DUSP12: variants seen among roughly 807,000 people sequenced by gnomAD.
DUSP12 encodes the protein dual specificity protein phosphatase 12.
Under a neutral mutation model 38.9 loss-of-function variants are expected in DUSP12, and 25 were observed. The observed-to-expected ratio is 0.64, with a 90% CI of 0.47 to 0.90. The LOEUF is 0.90. Among genes scored for constraint, DUSP12 ranks in the 40% least tolerant of loss-of-function variants. The pLI is 0.00. For missense variants in DUSP12, 403 were observed against 427.0 expected (o/e 0.94, Z 0.50); for synonymous variants, 153 against 153.9 (o/e 0.99, Z 0.05).
intron 5 of DUSP12, among the ~76,000 whole-genome samples, chr1:161,755,942 C>G (rs12026369): frequency 0.055 from 8,412 of 152,122 alleles, 413 homozygotes; most frequent in Admixed American, 0.16. Flanking sequence ...CTGCAACCTC[C>G]GCCTTCTGGG....
intron 1 of DUSP12, 114 bp from the exon 2 acceptor site, chr1:161,751,554 A>G: frequency 7.5e-7 from 1 of 1,338,388 alleles, no homozygotes; most frequent in Non-Finnish European, 1.0e-6. Context: ...GGCTTATTTG[A>G]GAAGCAAAAA....
intron 5 of DUSP12, 74 bp downstream of exon 5, chr1:161,753,335 A>T: frequency 8.1e-7 from 1 of 1,237,164 alleles, no homozygotes; most frequent in South Asian, 1.9e-5. Context: ...TTTAAGCTCT[A>T]TTTTAACTAG....
chr1:161,750,024 C>T lies in DUSP12; in HGVS notation c.223C>T (p.Leu75=). 6.2e-7 allele frequency: 1 copy of T among 1,614,036 alleles called. No individual in the cohort carries two copies. The highest frequency in any genetic ancestry group is 8.5e-7 in the Non-Finnish European group (1 of 1,179,988). The change falls in exon 1 of 6, where the codon CTA becomes TTA. Residue 75 remains leucine (L), a synonymous_variant. Coordinates refer to ENST00000367943, the MANE Select transcript of DUSP12 (RefSeq NM_007240.3). ...SFKAGPGVED[L]WRLFVPALDK... is the part of the protein sequence containing the mutation. ...CAAGGCGGGGCCTGGGGTCGAGGAT[C>T]TATGGCGCCTCTTCGTGCCAGCGCT...
At chr1:161,755,800 A>G (rs1329747455) in intron 5 of DUSP12, among the ~76,000 whole-genome samples, 1 of 152,122 alleles carries the variant, frequency 6.6e-6, no homozygotes, top group Non-Finnish European at 1.5e-5. Flanking sequence ...ATGTTTTGTC[A>G]TATTAAAATG....
chr1:161,749,861 A>T lies in DUSP12; in HGVS notation c.60A>T (p.Arg20Ser), dbSNP rs370225521. The T allele has an allele frequency of 2.7e-5, 44 of 1,609,010 alleles. No individual in the cohort carries two copies. Among genetic ancestry groups the T allele is most frequent in the Non-Finnish European group, 3.7e-5 (43 of 1,177,942 alleles). Residue 20 changes from arginine to serine, a missense_variant, in exon 1 of 6, where the codon AGA becomes AGT. Physicochemically the swap from Arg to Ser is moderately radical, Grantham distance 110. Coordinates refer to ENST00000367943, the MANE Select transcript of DUSP12 (RefSeq NM_007240.3). ...AGCTCAGCAACCCCAGCGCCAGCAG[A>T]GTCAGCTGTGCCGGGCAGATGCTGG... Reference protein sequence around the residue: ...GCELSNPSASRVSCAGQMLEV... With the variant: ...GCELSNPSASSVSCAGQMLEV...
chr1:161,751,519 C>T (rs1463834279), intron 1 of DUSP12, 149 bp from the exon 2 acceptor site: 9 of 895,024 alleles, frequency 1.0e-5, no homozygotes, highest in South Asian at 6.6e-5. Flanking sequence ...TTATTTTGTA[C>T]CTTGATAATA....
At position 161,757,047 on chromosome 1, in the gene DUSP12, T is replaced by A; in HGVS notation, c.*100T>A. 2.6e-6 allele frequency: 3 copies of A among 1,164,092 alleles called. No individual in the cohort carries two copies. The highest frequency in any genetic ancestry group is 2.4e-6 in the Non-Finnish European group (2 of 841,038). 72.1% of individuals were successfully genotyped at this position (1,164,092 alleles called of 1,614,324 possible). ...ATTGTTTGTGCTTTCAACATTTCAT[T>A]TGAAATGGGAGAAGATAAAATCACT... On this transcript the variant is annotated 3_prime_UTR_variant, in exon 6 of 6. Transcript: ENST00000367943.
At chr1:161,750,285 C>T (rs866683306) in intron 1 of DUSP12, 140 bp downstream of exon 1, 1 of 914,382 alleles carries the variant, frequency 1.1e-6, no homozygotes, top group South Asian at 1.6e-5. Flanking sequence ...CCGCAGGAGG[C>T]GTGTTTCCAA....
intron 4 of DUSP12, 86 bp from the exon 5 acceptor site, chr1:161,752,989 C>CAA (rs35439833): frequency 0.15 from 162,515 of 1,095,248 alleles, 743 homozygotes; most frequent in Non-Finnish European, 0.16. Context: ...GACTCTGTCT[C>CAA]AAAAAAAAAA....
Position 161,751,960 on chromosome 1 carries a change from CA to C in DUSP12, c.557del (p.Lys186ArgfsTer28). The C allele has an allele frequency of 1.2e-6, 2 of 1,610,000 alleles. No individual in the cohort carries two copies. Among genetic ancestry groups the C allele is most frequent in the East Asian group, 2.2e-5 (1 of 44,844 alleles). ...TGCAATTTATAAGCAATATCGTTTACAAAAGGTTACAGAGAAGTATCCAGGT... is the reference window on the plus strand; with the variant it reads ...TGCAATTTATAAGCAATATCGTTTACAAAGGTTACAGAGAAGTATCCAGGT... ...SSAIYKQYRL[Q>X]KVTEKYPELQ... is the part of the protein sequence containing the mutation. On this transcript the variant is annotated frameshift_variant, in exon 3 of 6. Coordinates refer to ENST00000367943, the MANE Select transcript of DUSP12 (RefSeq NM_007240.3). LOFTEE classifies it high-confidence loss of function.
In DUSP12 at chr1:161,753,248, T is replaced by C. The variant is rs1466113307; in HGVS notation, c.848T>C (p.Val283Ala). ...TGGATGGAATCTGCTTTGTTGGGAG[T>C]GATGGATGGACAGGTGAGAACACAT... ...VQWMESALLGVMDGQLLCPKC... is the reference protein window; with the variant it reads ...VQWMESALLGAMDGQLLCPKC... Residue 283 changes from valine to alanine, a missense_variant, in exon 5 of 6, where the codon GTG becomes GCG. Coordinates refer to ENST00000367943, the MANE Select transcript of DUSP12 (RefSeq NM_007240.3). 1 of 1,600,304 alleles carries C rather than the reference T, an allele frequency of 6.2e-7. No individual in the cohort carries two copies. Among genetic ancestry groups the C allele is most frequent in the Non-Finnish European group, 8.5e-7 (1 of 1,173,068 alleles).
chr1:161,752,482 C>A lies in DUSP12; in HGVS notation c.674+18C>A, dbSNP rs10917852. ...AAGTGCAGGTAAACTATTTTATATC[C>A]TTTGGATATTTTATCTTGTCTCAGT... On this transcript the variant is annotated intron_variant, in intron 4 of 5. Transcript: ENST00000367943. The A allele has an allele frequency of 0.36, 534,186 of 1,493,976 alleles. 102,663 individuals are homozygous for A. The highest frequency in any genetic ancestry group is 0.39 in the Non-Finnish European group (419,786 of 1,081,010). The allele number at this position is 1,493,976 out of a possible 1,614,324, so 92.5% of individuals were successfully genotyped here.
chr1:161,752,261 T>A (rs898211160), intron 3 of DUSP12, 107 bp from the exon 4 acceptor site: 29 of 833,802 alleles, frequency 3.5e-5, no homozygotes, highest in African/African-American at 5.2e-5. Context: ...TTTTTTTTTT[T>A]AATTTTTGAG....
chr1:161,754,876 G>C (rs963829289), intron 5 of DUSP12, among the ~76,000 whole-genome samples: 1 of 152,082 alleles, frequency 6.6e-6, no homozygotes, highest in African/African-American at 2.4e-5. Context: ...TGTTGCCCAG[G>C]CTGGAGTACA....
intron 5 of DUSP12, among the ~76,000 whole-genome samples, chr1:161,754,191 C>G (rs1684073962): frequency 6.6e-6 from 1 of 151,958 alleles, no homozygotes; most frequent in Non-Finnish European, 1.5e-5. Flanking sequence ...TGTATTATAC[C>G]ATTTGAAGAA....
chr1:161,752,279 C>T, intron 3 of DUSP12, 89 bp from the exon 4 acceptor site: 2 of 928,298 alleles, frequency 2.2e-6, no homozygotes, highest in Non-Finnish European at 1.7e-6. Flanking sequence ...GAGGTTAGCA[C>T]TTGTTGCCTC....
At chr1:161,752,852 T>C (rs569922098) in intron 4 of DUSP12, among the ~76,000 whole-genome samples, 55 of 152,118 alleles carry the variant, frequency 3.6e-4, no homozygotes, top group African/African-American at 1.2e-3. Flanking sequence ...TAGTTGGGCA[T>C]GGTGGCTGGT....
chr1:161,756,763 G>A (rs752214432), intron 5 of DUSP12, 23 bp from the exon 6 acceptor site: 1 of 1,609,458 alleles, frequency 6.2e-7, no homozygotes, highest in East Asian at 2.2e-5. Context: ...AATGAATAAA[G>A]TAACACATTT....
At position 161,749,809 on chromosome 1, in the gene DUSP12, A is replaced by G. The variant is rs1683981414; in HGVS notation, c.8A>G (p.Glu3Gly). 6.3e-7 allele frequency: 1 copy of G among 1,574,904 alleles called. No homozygotes were observed. The change falls in exon 1 of 6, where the codon GAG (glutamate) becomes GGG (glycine). Residue 3 changes from glutamate to glycine, a missense_variant. By Grantham distance (98) the Glu-to-Gly change is moderately conservative (BLOSUM62 -2). Transcript: ENST00000367943. The stretch of plus-strand genomic sequence containing the variant: ...TTGTCTCTGGGCGCGGCCATGTTGG[A>G]GGCTCCGGGCCCGAGTGATGGCTGC... ML[E>G]APGPSDGCEL...
Sources: gnomAD v4.1 joint callset for allele counts (sites outside exome capture counted in the v4.1 genomes callset) on GRCh38, gnomAD v4.1.1 for gene constraint, MANE v1.5 for transcripts, NCBI Gene and HGNC (gene_info 2026-07-23, HGNC 2026-07-21) for gene names.